Variants in FGD2 observed in about 807,000 individuals in gnomAD.
The protein encoded by FGD2 is FYVE, RhoGEF and PH domain containing 2.
In FGD2, 52 loss-of-function variants were observed where a neutral mutation model predicts 75.9. The ratio of observed to expected loss-of-function variants is 0.69; its 90% CI spans 0.55 to 0.86. FGD2 has a LOEUF of 0.86. FGD2 is among the 40% of genes least tolerant of loss of function. The probability of loss-of-function intolerance (pLI) is 0.00; values close to 1 mark genes in which losing one functional copy is unlikely to be tolerated. For missense variants in FGD2, 790 were observed against 872.0 expected (o/e 0.91, Z 1.18); for synonymous variants, 347 against 348.6 (o/e 1.00, Z 0.05).
chr6:37,009,251 C>T (rs1252233720), intron 2 of FGD2, 186 bp downstream of exon 2: 11 of 600,596 alleles, frequency 1.8e-5, no homozygotes, highest in East Asian at 8.6e-5. Context: ...CTGCCTGCTA[C>T]GCACCGTGCT....
At chr6:37,021,637 C>A (rs368121739) in intron 12 of FGD2, 33 bp downstream of exon 12, 2 of 1,572,476 alleles carry the variant, frequency 1.3e-6, no homozygotes, top group East Asian at 2.3e-5. Flanking sequence ...CTTGCTGGAG[C>A]CACCAACCCA....
At chr6:37,014,547 G>T in intron 6 of FGD2, 99 bp from the exon 7 acceptor site, 1 of 1,387,260 alleles carries the variant, frequency 7.2e-7, no homozygotes, top group East Asian at 2.4e-5. Context: ...GGGCTGTCAT[G>T]GCAGGTCCTG....
rs1188644578 is a variant in FGD2, at chr6:37,014,049, G to A, written c.772G>A (p.Glu258Lys). The A allele has an allele frequency of 2.5e-6, 4 of 1,614,154 alleles. No homozygotes were observed. Among genetic ancestry groups the A allele is most frequent in the Non-Finnish European group, 3.4e-6 (4 of 1,180,000 alleles). Residue 258 changes from glutamate (E) to lysine (K), a missense_variant, in exon 6 of 16, where the codon GAG (glutamate) becomes AAG (lysine). Coordinates refer to ENST00000274963, the MANE Select transcript of FGD2 (RefSeq NM_173558.4). ...RIPRYELLLKEYIQKLPAQAP... is the reference protein window; with the variant it reads ...RIPRYELLLKKYIQKLPAQAP... The stretch of plus-strand genomic sequence containing the variant: ...TCCACGTTACGAGCTGCTGCTCAAG[G>A]AGTACATCCAGAAGCTGCCAGCCCA...
rs1307407673 is a variant in FGD2 at position 37,019,944 on chromosome 6, C to T, written c.1123-597C>T. On this transcript the variant is annotated intron_variant, in intron 9 of 15. Coordinates refer to ENST00000274963, the MANE Select transcript of FGD2 (RefSeq NM_173558.4). ...CTCAGCTCACTGCAACCTCCACCTC[C>T]TAGGTTCAAGAGATTATTGTGCCTC... Among the ~76,000 whole-genome samples, 4 of 151,484 alleles carry T rather than the reference C, an allele frequency of 2.6e-5. No individual in the cohort carries two copies. The East Asian group carries it at 5.8e-4, about 22-fold the overall frequency.
At chr6:37,021,679 T>G in intron 12 of FGD2, 75 bp downstream of exon 12, 1 of 1,322,488 alleles carries the variant, frequency 7.6e-7, no homozygotes, top group Non-Finnish European at 1.1e-6. Context: ...GTTCTGCCTA[T>G]ACCAGCTCAG....
chr6:37,015,134 C>T lies in FGD2; in HGVS notation c.1029+96C>T, dbSNP rs1430688361. 4.9e-6 allele frequency: 7 copies of T among 1,434,744 alleles called. No homozygotes were observed. In the African/African-American group the frequency reaches 8.6e-5, roughly 18 times the overall value. The allele number at this position is 1,434,744 out of a possible 1,614,324, so 88.9% of individuals were successfully genotyped here. On this transcript the variant is annotated intron_variant, in intron 8 of 15. Transcript: ENST00000274963. ...ACTGCCTGGCCTCTACCTGGCACTG[C>T]AGGGGGACAGGGAAGAGAACGCTTC...
At chr6:37,018,305 C>T (rs1400400661) in intron 9 of FGD2, among the ~76,000 whole-genome samples, 1 of 152,134 alleles carries the variant, frequency 6.6e-6, no homozygotes, top group African/African-American at 2.4e-5. Flanking sequence ...GTCTGCTAGT[C>T]TCGGCTAACA....
At chr6:37,025,726 C>T (rs1419457635) in intron 13 of FGD2, 66 bp from the exon 14 acceptor site, 12 of 1,589,728 alleles carry the variant, frequency 7.5e-6, no homozygotes, top group Non-Finnish European at 1.0e-5. Context: ...ACCTGCCCAC[C>T]AAGGCAGGAG....
rs928264615 is a variant in FGD2 at position 37,021,365 on chromosome 6, T to C, written c.1234-147T>C. The stretch of plus-strand genomic sequence containing the variant: ...CTGGGGCTGGTAGTTTCTCCTCCGA[T>C]AAGGCAGCCCGCGTGTGTGTAGAAT... On this transcript the variant is annotated intron_variant, in intron 11 of 15. Coordinates refer to ENST00000274963, the MANE Select transcript of FGD2 (RefSeq NM_173558.4). 29 of 658,422 alleles carry C rather than the reference T, an allele frequency of 4.4e-5. No individual in the cohort carries two copies. The East Asian group carries it at 8.0e-4, about 18-fold the overall frequency. 40.8% of individuals were successfully genotyped at this position (658,422 alleles called of 1,614,324 possible).
intron 13 of FGD2, chr6:37,024,679 T>C (rs757475731): frequency 1.3e-4 from 20 of 152,300 alleles, no homozygotes; most frequent in Middle Eastern, 3.4e-3. Flanking sequence ...TATTTAAACA[T>C]TGAAATCGCT....
At chr6:37,006,988 A>G (rs976300583) in intron 1 of FGD2, among the ~76,000 whole-genome samples, 1 of 152,126 alleles carries the variant, frequency 6.6e-6, no homozygotes, top group Admixed American at 6.5e-5. Flanking sequence ...TCTCTTCCAG[A>G]GAGTGATTCC....
chr6:37,008,813 A>C (rs771153196), intron 1 of FGD2, 21 bp from the exon 2 acceptor site: 1 of 1,535,886 alleles, frequency 6.5e-7, no homozygotes, highest in South Asian at 1.3e-5. Context: ...GGAAGCCCTC[A>C]GGTCTGTCTC....
chr6:37,028,003 C>T lies in FGD2; in HGVS notation c.1808C>T (p.Pro603Leu), dbSNP rs760448753. Residue 603 changes from proline to leucine, a missense_variant, in exon 16 of 16, where the codon CCC (proline) becomes CTC (leucine). Pro to Leu is a moderately conservative substitution (Grantham distance 98, BLOSUM62 -3). Coordinates refer to ENST00000274963, the MANE Select transcript of FGD2 (RefSeq NM_173558.4). The stretch of plus-strand genomic sequence containing the variant: ...CTGGGCTACCAGGTGACTGTTGGGC[C>T]CCAGGGGGACCCTCGGGTCTTCCAG... ...PLLGYQVTVG[P>L]QGDPRVFQLQ... 2.5e-6 allele frequency: 4 copies of T among 1,614,082 alleles called. No homozygotes were observed. The highest frequency in any genetic ancestry group is 3.4e-6 in the Non-Finnish European group (4 of 1,180,016).
chr6:37,007,553 C>T (rs759067268), intron 1 of FGD2, among the ~76,000 whole-genome samples: 17 of 152,222 alleles, frequency 1.1e-4, no homozygotes, highest in Admixed American at 3.9e-4. Flanking sequence ...AGCCCTTAGA[C>T]GGGAGTTAGG....
chr6:37,013,801 C>G lies in FGD2; in HGVS notation c.684+36C>G, dbSNP rs547488731. ...GGGAGGGCTGGAGTCAGCATTGCCA[C>G]TCCCAGCATGCAGTGGCTCAGGTTG... is the stretch of plus-strand genomic sequence containing the variant. On this transcript the variant is annotated intron_variant, in intron 5 of 15. Transcript: ENST00000274963. 56 of 1,610,430 alleles carry G rather than the reference C, an allele frequency of 3.5e-5. No homozygotes were observed. The South Asian group carries it at 6.1e-4, about 17-fold the overall frequency.
chr6:37,017,081 T>G (rs1222758781), intron 9 of FGD2, among the ~76,000 whole-genome samples: 1 of 151,996 alleles, frequency 6.6e-6, no homozygotes, highest in Non-Finnish European at 1.5e-5. Flanking sequence ...AGTGGTATAC[T>G]CTACACATTT....
chr6:37,020,394 T>C (rs1765518043), intron 9 of FGD2, 147 bp from the exon 10 acceptor site: 2 of 741,042 alleles, frequency 2.7e-6, no homozygotes, highest in African/African-American at 1.7e-5. Context: ...TCAACAGGAT[T>C]AGAGAGGTGG....
Position 37,014,004 on chromosome 6 carries a change from C to G in FGD2, c.727C>G (p.Leu243Val), listed in dbSNP as rs1403464161. The change falls in exon 6 of 16, where the codon CTG becomes GTG. Residue 243 changes from leucine to valine, a missense_variant. Coordinates refer to ENST00000274963, the MANE Select transcript of FGD2 (RefSeq NM_173558.4). Reference protein sequence around the residue: ...SGSLTLQHHMLEPVQRIPRYE... With the variant: ...SGSLTLQHHMVEPVQRIPRYE... ...CAGCCTGACCCTGCAGCACCACATG[C>G]TGGAACCAGTGCAGAGAATTCCACG... The G allele has an allele frequency of 6.2e-7, 1 of 1,614,106 alleles. No individual in the cohort carries two copies. The highest frequency in any genetic ancestry group is 1.1e-5 in the South Asian group (1 of 91,088).
In FGD2 at chr6:37,020,584, T is replaced by C. The variant is rs777712865; in HGVS notation, c.1166T>C (p.Val389Ala). ...MDAEFPHSFL[V>A]SGKQRTLELQ... is the part of the protein sequence containing the mutation. ...GCTGAGTTTCCCCACTCCTTCCTGG[T>C]GTCCGGGAAGCAGCGCACCCTGGAG... The change falls in exon 10 of 16, where the codon GTG becomes GCG. Residue 389 changes from valine (V) to alanine (A), a missense_variant. Coordinates refer to ENST00000274963, the MANE Select transcript of FGD2 (RefSeq NM_173558.4). 2 of 1,609,372 alleles carry C rather than the reference T, an allele frequency of 1.2e-6. No individual in the cohort carries two copies. The highest frequency in any genetic ancestry group is 1.7e-6 in the Non-Finnish European group (2 of 1,178,322).
Sources: allele counts gnomAD v4.1 joint callset (sites outside exome capture counted in the v4.1 genomes callset), GRCh38; gene constraint gnomAD v4.1.1; transcripts MANE v1.5; gene names NCBI Gene and HGNC (gene_info 2026-07-23, HGNC 2026-07-21).